EVI5: variants seen among roughly 807,000 people sequenced by gnomAD.
The protein encoded by EVI5 is ecotropic viral integration site 5, also known as ecotropic viral integration site 5 protein homolog.
Under a neutral mutation model 112.0 loss-of-function variants are expected in EVI5, and 73 were observed. The observed-to-expected ratio is 0.65, with a 90% CI of 0.54 to 0.79. EVI5 has a LOEUF of 0.79. Ranked by LOEUF, EVI5 falls within the 30% of genes least tolerant of loss-of-function variation. EVI5 has a pLI of 0.00. For missense variants in EVI5, 900 were observed against 968.8 expected, an observed-to-expected ratio of 0.93 and a Z score of 0.94; for synonymous variants, 305 against 319.9, an observed-to-expected ratio of 0.95 and a Z score of 0.50.
intron 2 of EVI5, among the ~76,000 whole-genome samples, chr1:92,731,732 T>G (rs951087596): frequency 6.6e-6 from 1 of 152,100 alleles, no homozygotes; most frequent in Non-Finnish European, 1.5e-5. Flanking sequence ...AGCCCAGAAA[T>G]AGACTCATAC....
chr1:92,658,470 T>G (rs1235407452), intron 13 of EVI5, among the ~76,000 whole-genome samples: 3 of 152,050 alleles, frequency 2.0e-5, no homozygotes, highest in African/African-American at 7.2e-5. Context: ...AGAAGTAAAT[T>G]CCATTGACAA....
At chr1:92,682,119 G>A (rs1667686666) in intron 9 of EVI5, among the ~76,000 whole-genome samples, 1 of 152,032 alleles carries the variant, frequency 6.6e-6, no homozygotes, top group Non-Finnish European at 1.5e-5. Flanking sequence ...GCCTCTCACT[G>A]GTTTTCTATT....
chr1:92,663,482 TA>T, intron 11 of EVI5, 30 bp from the exon 12 acceptor site: 1 of 1,177,974 alleles, frequency 8.5e-7, no homozygotes, highest in Non-Finnish European at 1.2e-6. Context: ...GATAGAAATA[TA>T]AGAGAAAGAA....
intron 15 of EVI5, among the ~76,000 whole-genome samples, chr1:92,624,689 C>CAAAAAAAAAAAAAAAA (rs141559165): frequency 1.9e-5 from 1 of 51,734 alleles, no homozygotes; most frequent in Non-Finnish European, 3.3e-5. Flanking sequence ...GTCTCTACTT[C>CAAAAAAAAAAAAAAAA]AAAAAAAAAA....
Position 92,625,941 on chromosome 1 carries a change from A to C in EVI5, c.1528-7T>G. ...CAGGAAGGGAGTTATTCCTCTAAAG[A>C]AGAAGAAAATTTAATTTGGGATTTT... On this transcript the variant is annotated splice_region_variant and splice_polypyrimidine_tract_variant and intron_variant, in intron 14 of 19. Transcript: ENST00000684568. 1.9e-6 allele frequency: 3 copies of C among 1,577,670 alleles called. No homozygotes were observed. The highest frequency in any genetic ancestry group is 2.6e-6 in the Non-Finnish European group (3 of 1,153,032).
intron 2 of EVI5, among the ~76,000 whole-genome samples, chr1:92,719,381 G>C (rs1674360046): frequency 6.6e-6 from 1 of 151,944 alleles, no homozygotes. Flanking sequence ...GGGATGCAAG[G>C]CTGGTTCAAC....
At chr1:92,584,326 A>G (rs1257342146) in intron 18 of EVI5, among the ~76,000 whole-genome samples, 1 of 152,180 alleles carries the variant, frequency 6.6e-6, no homozygotes, top group Non-Finnish European at 1.5e-5. Flanking sequence ...CAACCACATT[A>G]ACTTGCAGCA....
rs186488641 is a variant in EVI5 at position 92,523,594 on chromosome 1, T to C, written c.2167-9624A>G. ...TAGTTTCTGTAACATTTAAAAATAA[T>C]GTATTTTAGGTATTCATTAGATTTG... On this transcript the variant is annotated intron_variant, in intron 19 of 19. Transcript: ENST00000684568. Among the ~76,000 whole-genome samples the C allele has an allele frequency of 1.5e-3, 222 of 152,284 alleles. 1 individual carries two copies. Among genetic ancestry groups the C allele is most frequent in the African/African-American group, 5.1e-3 (210 of 41,552 alleles).
chr1:92,611,427 G>A (rs1651768307), intron 16 of EVI5, among the ~76,000 whole-genome samples: 2 of 151,768 alleles, frequency 1.3e-5, no homozygotes, highest in Admixed American at 1.3e-4. Context: ...GGCCGGGCGT[G>A]GTGGCTCACA....
intron 9 of EVI5, among the ~76,000 whole-genome samples, chr1:92,684,815 T>C (rs939943473): frequency 6.6e-6 from 1 of 151,918 alleles, no homozygotes; most frequent in African/African-American, 2.4e-5. Flanking sequence ...AGAAGGTCAC[T>C]ACATAATGGT....
rs34342037 is a variant in EVI5, at chr1:92,746,894, CAA to C, written c.-81-10269_-81-10268del. ...TGGGCAACAGAGCAAGACTCTGGTT[CAA>C]AAAAAAAAAAAAAGTTTTTTTAAAA... On this transcript the variant is annotated intron_variant, in intron 1 of 19. Coordinates refer to ENST00000684568, the MANE Select transcript of EVI5 (RefSeq NM_001350197.2). Among the ~76,000 whole-genome samples, 1,027 of 128,212 alleles carry C rather than the reference CAA, an allele frequency of 8.0e-3. 3 individuals carry two copies. The highest frequency in any genetic ancestry group is 0.015 in the Admixed American group (187 of 12,584). The allele number at this position is 128,212 out of a possible 152,430, so 84.1% of individuals were successfully genotyped here.
chr1:92,596,442 A>T (rs1165634972), intron 18 of EVI5, among the ~76,000 whole-genome samples: 1 of 152,218 alleles, frequency 6.6e-6, no homozygotes, highest in African/African-American at 2.4e-5. Context: ...ATATGTGAAT[A>T]TCCTCAAATG....
chr1:92,589,911 A>G (rs906740598), intron 18 of EVI5, among the ~76,000 whole-genome samples: 6 of 152,188 alleles, frequency 3.9e-5, no homozygotes, highest in Non-Finnish European at 8.8e-5. Flanking sequence ...CCCCTCTGAG[A>G]CAAAGCTTCC....
At chr1:92,612,360 T>A (rs1248015676) in intron 16 of EVI5, among the ~76,000 whole-genome samples, 1 of 152,170 alleles carries the variant, frequency 6.6e-6, no homozygotes, top group Non-Finnish European at 1.5e-5. Flanking sequence ...TCAGGACTTT[T>A]GATTTGTGAT....
intron 18 of EVI5, among the ~76,000 whole-genome samples, chr1:92,581,693 T>TAAAA (rs1553190265): frequency 1.3e-5 from 2 of 148,768 alleles, no homozygotes; most frequent in African/African-American, 4.9e-5. Flanking sequence ...AGTTTTTGCT[T>TAAAA]AAAAAAAAAA....
intron 18 of EVI5, among the ~76,000 whole-genome samples, chr1:92,579,467 G>A (rs1671599100): frequency 6.6e-6 from 1 of 151,994 alleles, no homozygotes; most frequent in African/African-American, 2.4e-5. Flanking sequence ...ATCAAAGACA[G>A]CCTATAAAAA....
intron 18 of EVI5, among the ~76,000 whole-genome samples, chr1:92,594,244 C>T (rs144549026): frequency 6.6e-6 from 1 of 152,056 alleles, no homozygotes; most frequent in Non-Finnish European, 1.5e-5. Context: ...CAGAACAGAG[C>T]CCTCAGAAAT....
At chr1:92,654,435 C>A (rs971832416) in intron 13 of EVI5, among the ~76,000 whole-genome samples, 3 of 152,156 alleles carry the variant, frequency 2.0e-5, no homozygotes, top group African/African-American at 7.2e-5. Context: ...AACCACCACA[C>A]AAAGGCTATC....
chr1:92,562,134 C>T (rs1402730415), intron 19 of EVI5, among the ~76,000 whole-genome samples: 3 of 152,256 alleles, frequency 2.0e-5, no homozygotes, highest in Admixed American at 6.5e-5. Flanking sequence ...TCTGAGAACA[C>T]CTTTTGAACA....
Sources: allele counts gnomAD v4.1 joint callset (sites outside exome capture counted in the v4.1 genomes callset), GRCh38; gene constraint gnomAD v4.1.1; transcripts MANE v1.5; gene names NCBI Gene and HGNC (gene_info 2026-07-23, HGNC 2026-07-21).